ADAM10: variants seen among roughly 807,000 people sequenced by gnomAD.
The protein encoded by ADAM10 is ADAM metallopeptidase domain 10, also known as disintegrin and metalloproteinase domain-containing protein 10.
A neutral mutation model predicts 90.1 loss-of-function variants in ADAM10; 17 were observed. That is an observed-to-expected ratio of 0.19 (90% CI 0.13 to 0.28). The LOEUF (loss-of-function observed/expected upper bound fraction) is 0.28, where lower values mean the gene tolerates loss of function less well. Ranked by LOEUF, ADAM10 falls within the 10% of genes least tolerant of loss-of-function variation. ADAM10 has a pLI of 1.00. For missense variants in ADAM10, 610 were observed against 914.3 expected, an observed-to-expected ratio of 0.67 and a Z score of 4.29; for synonymous variants, 310 against 298.6, an observed-to-expected ratio of 1.04 and a Z score of -0.40.
At chr15:58,684,757 C>A (rs2140759223) in intron 2 of ADAM10, among the ~76,000 whole-genome samples, 1 of 152,268 alleles carries the variant, frequency 6.6e-6, no homozygotes, top group South Asian at 2.1e-4. Flanking sequence ...TTGAGGGAAC[C>A]CCCAATTTAT....
At chr15:58,691,647 G>A (rs759882073) in intron 2 of ADAM10, 2 of 387,028 alleles carry the variant, frequency 5.2e-6, no homozygotes, top group Non-Finnish European at 1.0e-5. Flanking sequence ...TGCCAGCCCA[G>A]AGAAGCTAAG....
chr15:58,629,713 C>T (rs1213986458), intron 9 of ADAM10, among the ~76,000 whole-genome samples: 1 of 152,180 alleles, frequency 6.6e-6, no homozygotes, highest in Non-Finnish European at 1.5e-5. Context: ...TATTTCCTAT[C>T]TGACTTATAT....
At position 58,723,471 on chromosome 15, in the gene ADAM10, G is replaced by C. The variant is rs141095197; in HGVS notation, c.56-5744C>G. On this transcript the variant is annotated intron_variant, in intron 1 of 15. Transcript: ENST00000260408. ...AAGCTGAGGTGGGTAGATCACCTGA[G>C]GTCAGGAGTTTGAGACCAGCCTGGC... Among the ~76,000 whole-genome samples, 4 of 152,202 alleles carry C rather than the reference G, an allele frequency of 2.6e-5. No homozygotes were observed. The East Asian group carries it at 5.8e-4, about 22-fold the overall frequency.
At chr15:58,719,111 G>T (rs1351985915) in intron 1 of ADAM10, among the ~76,000 whole-genome samples, 16 of 152,170 alleles carry the variant, frequency 1.1e-4, no homozygotes, top group Admixed American at 1.0e-3. Context: ...ATCGCCTAAG[G>T]TCAGGAGTTC....
intron 14 of ADAM10, among the ~76,000 whole-genome samples, chr15:58,606,159 C>T (rs1895268700): frequency 6.6e-6 from 1 of 152,174 alleles, no homozygotes; most frequent in Non-Finnish European, 1.5e-5. Context: ...GCCCAGAGCT[C>T]CTTGCCATGA....
At chr15:58,745,929 C>A (rs1042838852) in intron 1 of ADAM10, among the ~76,000 whole-genome samples, 55 of 152,178 alleles carry the variant, frequency 3.6e-4, no homozygotes, top group African/African-American at 1.3e-3. Flanking sequence ...ATGAATTTCA[C>A]TGAGAAATAT....
At chr15:58,684,933 G>T (rs1035496807) in intron 2 of ADAM10, among the ~76,000 whole-genome samples, 14 of 152,118 alleles carry the variant, frequency 9.2e-5, no homozygotes, top group Non-Finnish European at 1.5e-4. Context: ...TTGGTGTCTG[G>T]AGAATCAAGA....
At chr15:58,676,440 C>G (rs1897303298) in intron 4 of ADAM10, 2 of 287,568 alleles carry the variant, frequency 7.0e-6, no homozygotes, top group South Asian at 6.1e-5. Flanking sequence ...ACTACTACTA[C>G]TTCTAGAACC....
intron 3 of ADAM10, among the ~76,000 whole-genome samples, chr15:58,681,560 C>T (rs1427404954): frequency 6.6e-6 from 1 of 152,136 alleles, no homozygotes; most frequent in Non-Finnish European, 1.5e-5. Flanking sequence ...TGACATTTTG[C>T]CTCTCTCCAA....
chr15:58,674,304 C>T (rs1897265088), intron 4 of ADAM10, among the ~76,000 whole-genome samples: 1 of 152,150 alleles, frequency 6.6e-6, no homozygotes, highest in Non-Finnish European at 1.5e-5. Context: ...AACATCAATG[C>T]TTAGTAAAGC....
intron 2 of ADAM10, among the ~76,000 whole-genome samples, chr15:58,708,059 A>G (rs1898360305): frequency 6.6e-6 from 1 of 152,132 alleles, no homozygotes; most frequent in Admixed American, 6.5e-5. Context: ...CCTGGGCAAC[A>G]GAGCGAGACT....
chr15:58,633,207 A>C lies in ADAM10; in HGVS notation c.1165T>G (p.Phe389Val). Residue 389 changes from phenylalanine to valine, a missense_variant, in exon 9 of 16, where the codon TTT (phenylalanine) becomes GTT (valine). By Grantham distance (50) the Phe-to-Val change is conservative. Around this residue, in one of 4 missense-constraint regions of ADAM10, gnomAD observed 97 missense variants for 221.4 expected, o/e 0.44. Coordinates refer to ENST00000260408, the MANE Select transcript of ADAM10 (RefSeq NM_001110.4). ...TAGACAATACTTACTGGGGATCCAA[A>C]GTTATGTCCAACTTCGTGAGCAAAA... Reference protein sequence around the residue: ...ITFAHEVGHNFGSPHDSGTEC... With the variant: ...ITFAHEVGHNVGSPHDSGTEC... The C allele has an allele frequency of 6.2e-7, 1 of 1,612,890 alleles. No individual in the cohort carries two copies. The highest frequency in any genetic ancestry group is 8.5e-7 in the Non-Finnish European group (1 of 1,178,970).
chr15:58,602,976 T>A (rs1895156528), intron 14 of ADAM10, among the ~76,000 whole-genome samples: 1 of 152,190 alleles, frequency 6.6e-6, no homozygotes, highest in Non-Finnish European at 1.5e-5. Flanking sequence ...GGCAAACTTG[T>A]GAGAAATTTC....
chr15:58,688,248 G>A (rs1230036440), intron 2 of ADAM10, among the ~76,000 whole-genome samples: 6 of 151,988 alleles, frequency 3.9e-5, no homozygotes, highest in African/African-American at 1.5e-4. Flanking sequence ...CCAGACACAG[G>A]TGGGCACAGT....
chr15:58,636,522 C>T (rs1324573720), intron 8 of ADAM10, among the ~76,000 whole-genome samples: 2 of 152,074 alleles, frequency 1.3e-5, no homozygotes, highest in African/African-American at 2.4e-5. Flanking sequence ...TTTTACTATA[C>T]ATATATTTAT....
chr15:58,692,740 T>A (rs773832850), intron 2 of ADAM10: 4 of 584,724 alleles, frequency 6.8e-6, no homozygotes, highest in Non-Finnish European at 1.4e-5. Context: ...CCAGGAATAC[T>A]GTTCTTCGTC....
At chr15:58,636,873 G>C (rs149250768) in intron 8 of ADAM10, among the ~76,000 whole-genome samples, 16 of 152,308 alleles carry the variant, frequency 1.1e-4, no homozygotes, top group Admixed American at 6.5e-5. Context: ...TTCTGGACCA[G>C]ACCATAGTAA....
At chr15:58,687,504 T>G (rs970137195) in intron 2 of ADAM10, among the ~76,000 whole-genome samples, 2 of 152,144 alleles carry the variant, frequency 1.3e-5, no homozygotes, top group African/African-American at 4.8e-5. Flanking sequence ...TTGGGACACT[T>G]TTTTAGAAGG....
chr15:58,703,911 A>C (rs562564896), intron 2 of ADAM10: 1 of 153,518 alleles, frequency 6.5e-6, no homozygotes, highest in South Asian at 2.0e-4. Context: ...AGTCTCAGGT[A>C]GTTCTTGATA....
Sources: gnomAD v4.1 joint callset for allele counts (sites outside exome capture counted in the v4.1 genomes callset) on GRCh38, gnomAD v4.1.1 for gene constraint, gnomAD v4.1.1 regional missense constraint, MANE v1.5 for transcripts, NCBI Gene and HGNC (gene_info 2026-07-23, HGNC 2026-07-21) for gene names.